JRK: variants seen among roughly 807,000 people sequenced by gnomAD.
JRK encodes the protein jerky protein homolog.
For missense variants in JRK, 720 were observed against 509.2 expected, an observed-to-expected ratio of 1.41 and a Z score of -3.98; for synonymous variants, 303 against 218.1, an observed-to-expected ratio of 1.39 and a Z score of -3.43.
Position 142,662,606 on chromosome 8 carries a change from C to T in JRK, c.*1746G>A, listed in dbSNP as rs938180863. 5.1e-6 allele frequency: 5 copies of T among 985,296 alleles called. No homozygotes were observed. The African/African-American group carries it at 8.7e-5, about 17-fold the overall frequency. The allele number at this position is 985,296 out of a possible 1,614,324, so 61.0% of individuals were successfully genotyped here. A position where few individuals can be genotyped will look rare whatever the true frequency, so the allele number is the denominator to read the frequency against. ...CTATTTGGCTTTTATAATCTTCACA[C>T]ATGCATTCAAAGCAAGAAACACACA... On this transcript the variant is annotated 3_prime_UTR_variant, in exon 2 of 2. Coordinates refer to ENST00000612905, the MANE Select transcript of JRK (RefSeq NM_003724.4).
In JRK at chr8:142,664,049, C is replaced by A; in HGVS notation, c.*303G>T. Reference sequence around the variant, plus strand: ...CGAACACGAGACCAGATCGGCTCAGCCTGGCCCCCATTCCAGCCAGGGTGC... The same window carrying A: ...CGAACACGAGACCAGATCGGCTCAGACTGGCCCCCATTCCAGCCAGGGTGC... On this transcript the variant is annotated 3_prime_UTR_variant, in exon 2 of 2. Transcript: ENST00000612905. 1 of 1,196,680 alleles carries A rather than the reference C, an allele frequency of 8.4e-7. No individual in the cohort carries two copies. The highest frequency in any genetic ancestry group is 3.7e-5 in the South Asian group (1 of 26,752). The allele number at this position is 1,196,680 out of a possible 1,614,324, so 74.1% of individuals were successfully genotyped here.
At position 142,660,384 on chromosome 8, in the gene JRK, C is replaced by A. The variant is rs587646712; in HGVS notation, c.*3968G>T. The A allele has an allele frequency of 4.1e-6, 4 of 985,636 alleles. No individual in the cohort carries two copies. The African/African-American group carries it at 7.0e-5, about 17-fold the overall frequency. 61.1% of individuals were successfully genotyped at this position (985,636 alleles called of 1,614,324 possible). On this transcript the variant is annotated 3_prime_UTR_variant, in exon 2 of 2. Coordinates refer to ENST00000612905, the MANE Select transcript of JRK (RefSeq NM_003724.4). ...GACCTCCCCGACCCTGATCTCCACA[C>A]CTGACCCCAAAGCACATTTTGTTAT...
the JRK span, among the ~76,000 whole-genome samples, chr8:142,646,345 A>G: frequency 6.6e-6 from 1 of 152,210 alleles, no homozygotes; most frequent in South Asian, 2.1e-4. Flanking sequence ...TAAAACAAAG[A>G]TGATAACAAA....
chr8:142,644,156 A>T, the JRK span, among the ~76,000 whole-genome samples: 22 of 152,268 alleles, frequency 1.4e-4, no homozygotes, highest in African/African-American at 5.1e-4. Context: ...CAAAGCTATT[A>T]AAAACTTGTA....
the JRK span, among the ~76,000 whole-genome samples, chr8:142,648,823 C>T: frequency 1.3e-5 from 2 of 152,224 alleles, no homozygotes; most frequent in East Asian, 1.9e-4. Context: ...GCACTGTGCA[C>T]CTGGAAAAGC....
rs374487559 is a variant in JRK, at chr8:142,666,049, T to A, written c.10A>T (p.Lys4Ter). 6.2e-7 allele frequency: 1 copy of A among 1,606,250 alleles called. No individual in the cohort carries two copies. The highest frequency in any genetic ancestry group is 1.3e-5 in the African/African-American group (1 of 74,780). The change falls in exon 2 of 2, where the codon AAG (lysine) becomes TAG (stop). Residue 4 changes from lysine (K) to a stop codon, truncating the protein, a stop_gained. Transcript: ENST00000612905. LOFTEE classifies it low-confidence loss of function (END_TRUNC). MAS[K>*]PAAGKSRGEK... ...CCTCTGCTCTTCCCGGCAGCCGGCT[T>A]GGAGGCCATGGGGAGGGGTGGCTGG... is the stretch of plus-strand genomic sequence containing the variant.
rs781855909 is a variant in JRK, at chr8:142,664,309, G to C, written c.*43C>G. 6.6e-7 allele frequency: 1 copy of C among 1,515,390 alleles called. No homozygotes were observed. Among genetic ancestry groups the C allele is most frequent in the East Asian group, 2.3e-5 (1 of 43,418 alleles). The allele number at this position is 1,515,390 out of a possible 1,614,324, so 93.9% of individuals were successfully genotyped here. ...ACAGGACCATGCCACTCCAGGGTGT[G>C]GGGAGAAACAGGGCCAGTGGCCAGG... is the stretch of plus-strand genomic sequence containing the variant. On this transcript the variant is annotated 3_prime_UTR_variant, in exon 2 of 2. Transcript: ENST00000612905.
chr8:142,654,953 G>C (rs978635658), downstream of JRK, among the ~76,000 whole-genome samples: 1 of 152,080 alleles, frequency 6.6e-6, no homozygotes, highest in African/African-American at 2.4e-5. Context: ...TGCCAGCCTC[G>C]GGGTCCCTTC....
the JRK span, among the ~76,000 whole-genome samples, chr8:142,648,595 T>C: frequency 3.3e-5 from 5 of 152,238 alleles, no homozygotes; most frequent in African/African-American, 1.2e-4. Context: ...TGGGAACCTC[T>C]GCCTACATTT....
rs1466217263 is a variant in JRK at position 142,664,550 on chromosome 8, C to T, written c.1509G>A (p.Arg503=). The change falls in exon 2 of 2, where the codon CGG becomes CGA. Residue 503 remains arginine, a synonymous_variant. Coordinates refer to ENST00000612905, the MANE Select transcript of JRK (RefSeq NM_003724.4). ...AFDAVLRFAE[R]QPCFSAQEVG... is the part of the protein sequence containing the mutation. Reference sequence around the variant, plus strand: ...CTTCCTGCGCACTGAAGCATGGCTGCCGCTCCGCAAAGCGCAGGACTGCGT... The same window carrying T: ...CTTCCTGCGCACTGAAGCATGGCTGTCGCTCCGCAAAGCGCAGGACTGCGT... 15 of 1,607,828 alleles carry T rather than the reference C, an allele frequency of 9.3e-6. No homozygotes were observed. Among genetic ancestry groups the T allele is most frequent in the Non-Finnish European group, 1.3e-5 (15 of 1,178,092 alleles).
rs1255663305 is a variant in JRK at position 142,666,239 on chromosome 8, T to A, written c.-181A>T. ...CTCTCGGGTTTCTCACTCCACACGCTGCACCTCCTGCCTCAGGTATCCCTG... is the reference window on the plus strand; with the variant it reads ...CTCTCGGGTTTCTCACTCCACACGCAGCACCTCCTGCCTCAGGTATCCCTG... On this transcript the variant is annotated 5_prime_UTR_variant, in exon 2 of 2. Transcript: ENST00000612905. 2.2e-5 allele frequency: 23 copies of A among 1,036,320 alleles called. No homozygotes were observed. The highest frequency in any genetic ancestry group is 2.4e-5 in the Non-Finnish European group (17 of 702,462). 64.2% of individuals were successfully genotyped at this position (1,036,320 alleles called of 1,614,324 possible).
Position 142,660,050 on chromosome 8 carries a change from T to C in JRK, c.*4302A>G. 1.0e-6 allele frequency: 1 copy of C among 985,966 alleles called. No homozygotes were observed. Among genetic ancestry groups the C allele is most frequent in the Non-Finnish European group, 1.2e-6 (1 of 830,328 alleles). 61.1% of individuals were successfully genotyped at this position (985,966 alleles called of 1,614,324 possible). On this transcript the variant is annotated 3_prime_UTR_variant, in exon 2 of 2. Coordinates refer to ENST00000612905, the MANE Select transcript of JRK (RefSeq NM_003724.4). ...GGGGCTCATGTGGGAGGCTGGTGGC[T>C]GCCATGGCTGCAGCTCCTGGCCCTG...
the JRK span, among the ~76,000 whole-genome samples, chr8:142,648,137 TG>T: frequency 2.0e-5 from 3 of 152,238 alleles, no homozygotes; most frequent in Non-Finnish European, 2.9e-5. Context: ...ACTTGGGTGC[TG>T]TTAAAGGCGT....
At chr8:142,649,946 A>G in the JRK span, among the ~76,000 whole-genome samples, 2 of 152,268 alleles carry the variant, frequency 1.3e-5, no homozygotes, top group Non-Finnish European at 2.9e-5. Flanking sequence ...ACAGACACTC[A>G]ATACCAGTCT....
intron 1 of JRK, among the ~76,000 whole-genome samples, chr8:142,667,770 T>C (rs1017294539): frequency 6.6e-6 from 1 of 152,192 alleles, no homozygotes; most frequent in Non-Finnish European, 1.5e-5. Context: ...TGTTGGAGTT[T>C]TGAACTAACT....
chr8:142,661,393 C>T lies in JRK; in HGVS notation c.*2959G>A, dbSNP rs182480377. 76 of 985,436 alleles carry T rather than the reference C, an allele frequency of 7.7e-5. No homozygotes were observed. The highest frequency in any genetic ancestry group is 3.5e-4 in the African/African-American group (20 of 57,354). 61.0% of individuals were successfully genotyped at this position (985,436 alleles called of 1,614,324 possible). A position where few individuals can be genotyped will look rare whatever the true frequency, so the allele number is the denominator to read the frequency against. On this transcript the variant is annotated 3_prime_UTR_variant, in exon 2 of 2. Coordinates refer to ENST00000612905, the MANE Select transcript of JRK (RefSeq NM_003724.4). ...CTCCCAGAGTGGAGGCTGCCTGTCC[C>T]GAGTGAGGACACAGGAGCGCCCTCA... is the stretch of plus-strand genomic sequence containing the variant.
chr8:142,666,239 T>C lies in JRK; in HGVS notation c.-181A>G. The stretch of plus-strand genomic sequence containing the variant: ...CTCTCGGGTTTCTCACTCCACACGC[T>C]GCACCTCCTGCCTCAGGTATCCCTG... On this transcript the variant is annotated 5_prime_UTR_variant, in exon 2 of 2. Transcript: ENST00000612905. 3 of 1,036,438 alleles carry C rather than the reference T, an allele frequency of 2.9e-6. No homozygotes were observed. The highest frequency in any genetic ancestry group is 2.8e-6 in the Non-Finnish European group (2 of 702,454). 64.2% of individuals were successfully genotyped at this position (1,036,438 alleles called of 1,614,324 possible). A position where few individuals can be genotyped will look rare whatever the true frequency, so the allele number is the denominator to read the frequency against.
At chr8:142,649,768 T>C in the JRK span, among the ~76,000 whole-genome samples, 10 of 152,206 alleles carry the variant, frequency 6.6e-5, no homozygotes, top group African/African-American at 2.2e-4. Flanking sequence ...AGGACCCTCA[T>C]GGAGAACCTC....
chr8:142,667,305 G>T (rs954360853), intron 1 of JRK, among the ~76,000 whole-genome samples: 10 of 152,166 alleles, frequency 6.6e-5, no homozygotes, highest in Non-Finnish European at 1.5e-4. Flanking sequence ...TCAGCTCAGG[G>T]TACCCTGCCC....
Sources: gnomAD v4.1 joint callset for allele counts (sites outside exome capture counted in the v4.1 genomes callset) on GRCh38, gnomAD v4.1.1 for gene constraint, MANE v1.5 for transcripts, NCBI Gene and HGNC (gene_info 2026-07-23, HGNC 2026-07-21) for gene names.